Variants in MAST4 observed in about 807,000 individuals in gnomAD.
The protein encoded by MAST4 is microtubule-associated serine/threonine-protein kinase 4.
Under a neutral mutation model 162.7 loss-of-function variants are expected in MAST4, and 89 were observed. The observed-to-expected ratio is 0.55, with a 90% confidence interval of 0.46 to 0.65. The LOEUF (loss-of-function observed/expected upper bound fraction) is 0.65. Among genes scored for constraint, MAST4 ranks in the 30% least tolerant of loss-of-function variants. MAST4 has a pLI of 0.00. For synonymous variants in MAST4, 1,479 were observed against 1,361.1 expected, an observed-to-expected ratio of 1.09 and a Z score of -1.91; for missense variants, 3,153 against 3,374.0, an observed-to-expected ratio of 0.93 and a Z score of 1.62.
chr5:66,882,712 C>T (rs879249980), intron 3 of MAST4, among the ~76,000 whole-genome samples: 1 of 152,116 alleles, frequency 6.6e-6, no homozygotes, highest in African/African-American at 2.4e-5. Flanking sequence ...TCTTGACTAC[C>T]TCTGTATCTG....
chr5:67,099,085 A>G (rs1321569431), intron 7 of MAST4, among the ~76,000 whole-genome samples: 1 of 152,040 alleles, frequency 6.6e-6, no homozygotes, highest in Admixed American at 6.6e-5. Flanking sequence ...AAACATATCT[A>G]TAGATTCTTA....
chr5:66,659,915 C>G (rs533339009), intron 1 of MAST4, among the ~76,000 whole-genome samples: 1 of 152,150 alleles, frequency 6.6e-6, no homozygotes, highest in Non-Finnish European at 1.5e-5. Flanking sequence ...AAGAGTGGCA[C>G]TTGAAAGTGC....
chr5:66,816,462 A>G (rs143374958), intron 3 of MAST4, among the ~76,000 whole-genome samples: 2 of 152,272 alleles, frequency 1.3e-5, no homozygotes, highest in Non-Finnish European at 2.9e-5. Context: ...ACATAGTAGG[A>G]AAGTCTTTTA....
intron 12 of MAST4, among the ~76,000 whole-genome samples, chr5:67,116,180 T>TTTTG (rs57544655): frequency 0.32 from 47,913 of 150,672 alleles, 8,742 homozygotes; most frequent in African/African-American, 0.51. Context: ...CTAAGGCTAG[T>TTTTG]TTTGTTTGTT....
chr5:66,676,228 G>A (rs1184559944), intron 1 of MAST4, among the ~76,000 whole-genome samples: 1 of 152,188 alleles, frequency 6.6e-6, no homozygotes, highest in African/African-American at 2.4e-5. Flanking sequence ...AAGCACAGGT[G>A]GTGTGTCCGT....
At chr5:66,877,244 G>A (rs949890683) in intron 3 of MAST4, among the ~76,000 whole-genome samples, 8 of 152,188 alleles carry the variant, frequency 5.3e-5, no homozygotes, top group Admixed American at 6.5e-5. Flanking sequence ...AGAAGTGGAT[G>A]CAGCCACCTG....
At chr5:67,024,507 A>C (rs1054334426) in intron 4 of MAST4, among the ~76,000 whole-genome samples, 3 of 151,884 alleles carry the variant, frequency 2.0e-5, no homozygotes, top group Admixed American at 2.0e-4. Flanking sequence ...ATACACATTC[A>C]AAAGACTTTC....
At chr5:66,999,445 A>G (rs986976691) in intron 4 of MAST4, among the ~76,000 whole-genome samples, 3 of 152,178 alleles carry the variant, frequency 2.0e-5, no homozygotes, top group Admixed American at 1.3e-4. Context: ...TCCCATATCT[A>G]TGCACTGTCT....
At chr5:66,855,961 A>T (rs890326817) in intron 3 of MAST4, among the ~76,000 whole-genome samples, 1 of 152,154 alleles carries the variant, frequency 6.6e-6, no homozygotes, top group African/African-American at 2.4e-5. Context: ...CAGGAGTTTG[A>T]GACCAGTCTG....
At chr5:67,041,213 A>T (rs1381261287) in intron 4 of MAST4, among the ~76,000 whole-genome samples, 1 of 152,194 alleles carries the variant, frequency 6.6e-6, no homozygotes, top group African/African-American at 2.4e-5. Flanking sequence ...TGTTGAGTGC[A>T]GTCCCTTGCA....
At chr5:67,022,050 T>A (rs1754050914) in intron 4 of MAST4, among the ~76,000 whole-genome samples, 3 of 152,190 alleles carry the variant, frequency 2.0e-5, no homozygotes, top group Non-Finnish European at 4.4e-5. Context: ...TTCCAACATG[T>A]TGTAATTCTG....
intron 3 of MAST4, among the ~76,000 whole-genome samples, chr5:66,819,522 T>C (rs1038052521): frequency 6.6e-5 from 10 of 152,200 alleles, no homozygotes; most frequent in African/African-American, 2.4e-4. Context: ...GTAATGCCTG[T>C]CAATATAAAG....
chr5:66,790,764 A>G (rs1755360096), intron 3 of MAST4, among the ~76,000 whole-genome samples: 1 of 152,152 alleles, frequency 6.6e-6, no homozygotes, highest in South Asian at 2.1e-4. Context: ...ATTTTCCTCC[A>G]TCCCATCCCC....
At chr5:66,679,799 C>T (rs549175742) in intron 1 of MAST4, among the ~76,000 whole-genome samples, 15 of 152,256 alleles carry the variant, frequency 9.9e-5, no homozygotes, top group Admixed American at 4.6e-4. Flanking sequence ...AGCAGGCACT[C>T]ACCCTGCCAC....
chr5:67,066,344 C>G (rs1760227894), intron 5 of MAST4, among the ~76,000 whole-genome samples: 1 of 151,112 alleles, frequency 6.6e-6, no homozygotes, highest in African/African-American at 2.4e-5. Context: ...GAATTAACTA[C>G]TTAACATTTG....
chr5:66,752,456 CA>C (rs1418820301), intron 1 of MAST4, among the ~76,000 whole-genome samples: 1 of 143,562 alleles, frequency 7.0e-6, no homozygotes, highest in Non-Finnish European at 1.5e-5. Context: ...GAAGATCTAC[CA>C]AGCAAATGGA....
intron 4 of MAST4, among the ~76,000 whole-genome samples, chr5:66,999,978 T>C (rs78655422): frequency 0.044 from 6,638 of 152,326 alleles, 245 homozygotes; most frequent in Non-Finnish European, 0.07. Context: ...CTGTTCCTCA[T>C]TGATGTAACT....
chr5:67,086,059 AAC>A (rs1763199435), intron 5 of MAST4, among the ~76,000 whole-genome samples: 1 of 152,212 alleles, frequency 6.6e-6, no homozygotes, highest in South Asian at 2.1e-4. Flanking sequence ...AGCAGTAAGA[AAC>A]ACAGCACTGA....
chr5:66,756,156 C>T (rs1319149576), intron 1 of MAST4, among the ~76,000 whole-genome samples: 1 of 152,212 alleles, frequency 6.6e-6, no homozygotes, highest in Non-Finnish European at 1.5e-5. Flanking sequence ...TCCTGTGCCC[C>T]TGTCTGACTT....
Sources: allele counts gnomAD v4.1 joint callset (sites outside exome capture counted in the v4.1 genomes callset), GRCh38; gene constraint gnomAD v4.1.1; transcripts MANE v1.5; gene names NCBI Gene and HGNC (gene_info 2026-07-23, HGNC 2026-07-21).